Variants in DNAH8 observed in about 807,000 individuals in gnomAD.
DNAH8 encodes the protein dynein axonemal heavy chain 8.
In DNAH8, 382 loss-of-function variants were observed where a neutral mutation model predicts 562.1. That is an observed-to-expected ratio of 0.68 (90% CI 0.63 to 0.74). The LOEUF (loss-of-function observed/expected upper bound fraction) is 0.74, where lower values mean the gene tolerates loss of function less well. Among genes scored for constraint, DNAH8 ranks in the 30% least tolerant of loss-of-function variants. The pLI is 0.00. For missense variants in DNAH8, 5,203 were observed against 5,620.4 expected (o/e 0.93, Z 2.37); for synonymous variants, 1,881 against 1,919.4 (o/e 0.98, Z 0.52).
chr6:38,834,745 G>C, intron 32 of DNAH8, 104 bp downstream of exon 32: 2 of 839,284 alleles, frequency 2.4e-6, no homozygotes, highest in Non-Finnish European at 3.9e-6. Flanking sequence ...TGTATTTCAA[G>C]TACATCAGTC....
rs1765928128 is a variant in DNAH8 at position 39,008,279 on chromosome 6, C to A, written c.13215-535C>A. On this transcript the variant is annotated intron_variant, in intron 88 of 92. Transcript: ENST00000327475. ...TTAAAGATGCATGGCTGCATTTGAACAGGTGGAGCCGATGGGCGTCAATAG... is the reference window on the plus strand; with the variant it reads ...TTAAAGATGCATGGCTGCATTTGAAAAGGTGGAGCCGATGGGCGTCAATAG... 2.6e-5 allele frequency among the ~76,000 whole-genome samples: 4 copies of A among 152,098 alleles called. No homozygotes were observed. In the South Asian group the frequency reaches 8.3e-4, roughly 32 times the overall value.
intron 49 of DNAH8, among the ~76,000 whole-genome samples, chr6:38,872,174 G>A (rs1317373626): frequency 6.6e-6 from 1 of 152,138 alleles, no homozygotes; most frequent in East Asian, 1.9e-4. Context: ...CCACCACTAA[G>A]GGGCGATATC....
At chr6:38,996,692 GGAC>G (rs1765154679) in intron 88 of DNAH8, among the ~76,000 whole-genome samples, 1 of 152,116 alleles carries the variant, frequency 6.6e-6, no homozygotes, top group Non-Finnish European at 1.5e-5. Context: ...TCTCAAGGGG[GGAC>G]TGATAGGACT....
At chr6:38,983,904 A>G (rs1764195147) in intron 86 of DNAH8, among the ~76,000 whole-genome samples, 1 of 152,206 alleles carries the variant, frequency 6.6e-6, no homozygotes, top group Non-Finnish European at 1.5e-5. Flanking sequence ...GCATTACTAC[A>G]ATGAGTATTA....
intron 87 of DNAH8, among the ~76,000 whole-genome samples, chr6:38,985,868 G>A (rs1388944031): frequency 2.6e-5 from 4 of 152,168 alleles, no homozygotes; most frequent in African/African-American, 9.7e-5. Context: ...TCCTGGGGAG[G>A]GACAATGCTG....
At chr6:38,887,102 G>A in intron 57 of DNAH8, 98 bp downstream of exon 57, 1 of 832,358 alleles carries the variant, frequency 1.2e-6, no homozygotes, top group East Asian at 2.6e-5. Flanking sequence ...TCTAAAGTGG[G>A]GTTAGGTATG....
chr6:38,837,890 A>G (rs1774427998), intron 32 of DNAH8, 52 bp from the exon 33 acceptor site: 1 of 1,254,246 alleles, frequency 8.0e-7, no homozygotes, highest in South Asian at 1.3e-5. Flanking sequence ...ATTCCACTTT[A>G]ATTCTACTGA....
intron 3 of DNAH8, among the ~76,000 whole-genome samples, chr6:38,724,880 G>A (rs1276485371): frequency 6.6e-6 from 1 of 152,060 alleles, no homozygotes; most frequent in African/African-American, 2.4e-5. Context: ...AGAGAGTTGG[G>A]GTGAGGTGGG....
intron 89 of DNAH8, among the ~76,000 whole-genome samples, chr6:39,009,708 T>G (rs886598980): frequency 2.0e-5 from 3 of 152,216 alleles, no homozygotes; most frequent in Non-Finnish European, 2.9e-5. Context: ...GATCTGACTC[T>G]AGAACCTGCA....
intron 79 of DNAH8, among the ~76,000 whole-genome samples, chr6:38,943,302 T>C (rs1783603289): frequency 6.6e-6 from 1 of 152,254 alleles, no homozygotes; most frequent in South Asian, 2.1e-4. Context: ...GGCTTACATT[T>C]TGACTGAATT....
chr6:38,738,433 A>G (rs1320823903), intron 7 of DNAH8, among the ~76,000 whole-genome samples: 2 of 152,182 alleles, frequency 1.3e-5, no homozygotes, highest in African/African-American at 2.4e-5. Flanking sequence ...CTGCAGCTCT[A>G]TGGTCAAATT....
chr6:38,950,161 CA>C (rs1393190186), intron 81 of DNAH8, among the ~76,000 whole-genome samples: 19 of 133,080 alleles, frequency 1.4e-4, no homozygotes, highest in African/African-American at 5.8e-4. Flanking sequence ...AGACCTTCCA[CA>C]TTGAAAAAAA....
intron 87 of DNAH8, among the ~76,000 whole-genome samples, chr6:38,985,419 A>G (rs1391137787): frequency 2.0e-5 from 3 of 152,254 alleles, no homozygotes; most frequent in Non-Finnish European, 4.4e-5. Flanking sequence ...CCTCAACAAC[A>G]AAGCACAAGC....
At position 38,929,179 on chromosome 6, in the gene DNAH8, G is replaced by T. The variant is rs568562832; in HGVS notation, c.11119-332G>T. The stretch of plus-strand genomic sequence containing the variant: ...GCAAGTTGCTTTGCTTTCTCTGAGC[G>T]ATTATAGCTATGTAAGTTTGAAAGG... On this transcript the variant is annotated intron_variant, in intron 74 of 92. Coordinates refer to ENST00000327475, the MANE Select transcript of DNAH8 (RefSeq NM_001206927.2). Among the ~76,000 whole-genome samples the T allele has an allele frequency of 9.2e-5, 14 of 152,198 alleles. No homozygotes were observed. The South Asian group carries it at 2.1e-3, about 23-fold the overall frequency.
intron 61 of DNAH8, among the ~76,000 whole-genome samples, chr6:38,898,923 A>AT (rs1264642167): frequency 6.6e-6 from 1 of 152,132 alleles, no homozygotes; most frequent in Non-Finnish European, 1.5e-5. Flanking sequence ...CCGTGGCTAG[A>AT]TCTTGAGGTT....
At chr6:38,721,257 G>T (rs1206602341) in intron 1 of DNAH8, among the ~76,000 whole-genome samples, 1 of 152,004 alleles carries the variant, frequency 6.6e-6, no homozygotes, top group Non-Finnish European at 1.5e-5. Context: ...TTGAGTACTG[G>T]TACTGTTTGG....
At chr6:38,861,708 T>A (rs575868748) in intron 43 of DNAH8, among the ~76,000 whole-genome samples, 12 of 152,264 alleles carry the variant, frequency 7.9e-5, no homozygotes, top group African/African-American at 2.9e-4. Flanking sequence ...ATTTTTGTGT[T>A]TTTTAAATAG....
chr6:38,731,006 G>A (rs951753320), intron 4 of DNAH8, among the ~76,000 whole-genome samples: 1 of 152,056 alleles, frequency 6.6e-6, no homozygotes. Flanking sequence ...CTCATTTACA[G>A]TATCCATGTA....
chr6:38,973,839 G>A (rs1180536152), intron 84 of DNAH8, 26 bp downstream of exon 84: 2 of 1,555,900 alleles, frequency 1.3e-6, no homozygotes, highest in Admixed American at 3.8e-5. Flanking sequence ...TCTTTTCATC[G>A]AGAGTCATAG....
Sources: gnomAD v4.1 joint callset for allele counts (sites outside exome capture counted in the v4.1 genomes callset) on GRCh38, gnomAD v4.1.1 for gene constraint, MANE v1.5 for transcripts, NCBI Gene and HGNC (gene_info 2026-07-23, HGNC 2026-07-21) for gene names.